DCP1B: variants seen among roughly 807,000 people sequenced by gnomAD.
DCP1B encodes the protein decapping mRNA 1B, also known as mRNA-decapping enzyme 1B.
DCP1B carries 47 observed loss-of-function variants against 60.5 expected under a neutral mutation model. That is an observed-to-expected ratio of 0.78 (90% CI 0.61 to 0.99). DCP1B has a LOEUF of 0.99. Ranked by LOEUF, DCP1B falls within the 50% of genes least tolerant of loss-of-function variation. DCP1B has a pLI of 0.00. For missense variants in DCP1B, 725 were observed against 756.8 expected (o/e 0.96, Z 0.49); for synonymous variants, 267 against 280.3 (o/e 0.95, Z 0.47).
chr12:1,977,347 C>G (rs916179427), intron 3 of DCP1B, among the ~76,000 whole-genome samples: 1 of 152,138 alleles, frequency 6.6e-6, no homozygotes, highest in African/African-American at 2.4e-5. Context: ...CCGTCTCTAC[C>G]ATGAAGTGGG....
chr12:1,968,107 G>A (rs572024443), intron 3 of DCP1B, among the ~76,000 whole-genome samples, 197 bp from the exon 4 acceptor site: 1 of 152,214 alleles, frequency 6.6e-6, no homozygotes, highest in African/African-American at 2.4e-5. Context: ...GCTCACACTT[G>A]TAATCCCAGT....
downstream of DCP1B, among the ~76,000 whole-genome samples, chr12:1,943,664 C>A (rs902683813): frequency 6.6e-6 from 1 of 152,172 alleles, no homozygotes; most frequent in African/African-American, 2.4e-5. Flanking sequence ...TCATCCATCA[C>A]ATAAACAGAA....
At chr12:1,975,762 T>C (rs529244578) in intron 3 of DCP1B, among the ~76,000 whole-genome samples, 48 of 152,182 alleles carry the variant, frequency 3.2e-4, no homozygotes, top group Non-Finnish European at 6.0e-4. Context: ...CAGCTGTAAA[T>C]CACCATATAT....
intron 4 of DCP1B, among the ~76,000 whole-genome samples, chr12:1,965,919 C>T (rs1032534917): frequency 7.2e-5 from 11 of 152,182 alleles, no homozygotes; most frequent in Non-Finnish European, 2.9e-5. Flanking sequence ...CCAAGTCCAG[C>T]CCACCACCTG....
At position 1,984,778 on chromosome 12, in the gene DCP1B, T is replaced by TTAAA. The variant is rs1230989393; in HGVS notation, c.319+8485_319+8486insTTTA. Among the ~76,000 whole-genome samples, 28 of 81,340 alleles carry TTAAA rather than the reference T, an allele frequency of 3.4e-4. 1 individual carries two copies. Among genetic ancestry groups the TTAAA allele is most frequent in the East Asian group, 6.9e-4 (2 of 2,902 alleles). 53.4% of individuals were successfully genotyped at this position (81,340 alleles called of 152,430 possible). ...ATTTATTCTACAGTGGGTCTTCTGG[T>TTAAA]AAAAAAAAAAAAAAAAAAAAAAAGG... On this transcript the variant is annotated intron_variant, in intron 3 of 8. Transcript: ENST00000280665.
At chr12:1,945,637 G>A (rs760855945), downstream of DCP1B, among the ~76,000 whole-genome samples, 23 of 152,172 alleles carry the variant, frequency 1.5e-4, no homozygotes, top group Non-Finnish European at 3.1e-4. Context: ...CAACCCAAAT[G>A]TCCATTAATG....
At chr12:1,946,352 G>T in intron 8 of DCP1B, 66 bp from the exon 9 acceptor site, 2 of 1,305,418 alleles carry the variant, frequency 1.5e-6, no homozygotes, top group Admixed American at 2.3e-5. Flanking sequence ...GGCTTCCTCT[G>T]TCTTAGAGCT....
intron 3 of DCP1B, among the ~76,000 whole-genome samples, chr12:1,970,522 A>G (rs978743617): frequency 6.6e-6 from 1 of 152,334 alleles, no homozygotes; most frequent in Admixed American, 6.5e-5. Flanking sequence ...ACTTGAGTGC[A>G]TTCCCCTGGG....
At chr12:2,002,232 C>G (rs1243793433) in intron 1 of DCP1B, among the ~76,000 whole-genome samples, 2 of 152,172 alleles carry the variant, frequency 1.3e-5, no homozygotes, top group Non-Finnish European at 2.9e-5. Flanking sequence ...TAAATACTTT[C>G]TCCTCTATTC....
chr12:1,949,435 C>T (rs1164453380), intron 7 of DCP1B, 101 bp from the exon 8 acceptor site: 1 of 1,512,704 alleles, frequency 6.6e-7, no homozygotes, highest in Non-Finnish European at 8.9e-7. Flanking sequence ...TCCCTGTCCA[C>T]AGCTTTCCTA....
At chr12:1,993,658 AT>A (rs1565859137) in intron 2 of DCP1B, among the ~76,000 whole-genome samples, 1 of 49,394 alleles carries the variant, frequency 2.0e-5, no homozygotes, top group Non-Finnish European at 4.2e-5. Flanking sequence ...GTGTGTGTGT[AT>A]ACAGATGTTG....
intron 3 of DCP1B, among the ~76,000 whole-genome samples, chr12:1,974,700 C>G (rs1476143852): frequency 1.3e-5 from 2 of 152,130 alleles, no homozygotes; most frequent in Non-Finnish European, 2.9e-5. Flanking sequence ...TTGATAATGG[C>G]AATCCCAAGC....
rs2030551769 is a variant in DCP1B at position 1,949,068 on chromosome 12, G to C, written c.1773+18C>G. The C allele has an allele frequency of 1.2e-6, 2 of 1,606,742 alleles. No homozygotes were observed. The highest frequency in any genetic ancestry group is 1.7e-6 in the Non-Finnish European group (2 of 1,174,116). The stretch of plus-strand genomic sequence containing the variant: ...ACAGGCGTGGTCAGGTGCGAAGGGA[G>C]ATGACGTGCTTGCTTACCTGAATGA... On this transcript the variant is annotated intron_variant, in intron 8 of 8. Coordinates refer to ENST00000280665, the MANE Select transcript of DCP1B (RefSeq NM_152640.5).
chr12:1,980,562 C>T (rs2154464458), intron 3 of DCP1B, among the ~76,000 whole-genome samples: 1 of 151,448 alleles, frequency 6.6e-6, no homozygotes, highest in African/African-American at 2.4e-5. Context: ...ATCTTAAGAA[C>T]AGAAGTTTTT....
chr12:1,987,933 G>A (rs1271810001), intron 3 of DCP1B, among the ~76,000 whole-genome samples: 1 of 152,128 alleles, frequency 6.6e-6, no homozygotes, highest in Non-Finnish European at 1.5e-5. Flanking sequence ...CTCTTAAAAA[G>A]TAGCTGTAAA....
chr12:1,947,330 T>C lies in DCP1B; in HGVS notation c.1774-1044A>G, dbSNP rs551153562. Reference sequence around the variant, plus strand: ...TCCCTCTTGGCACCCCACACAGATTTAGCATCATTCTCATGCAATGAAGAG... The same window carrying C: ...TCCCTCTTGGCACCCCACACAGATTCAGCATCATTCTCATGCAATGAAGAG... On this transcript the variant is annotated intron_variant, in intron 8 of 8. Transcript: ENST00000280665. 2.6e-5 allele frequency among the ~76,000 whole-genome samples: 4 copies of C among 152,320 alleles called. No individual in the cohort carries two copies. In the East Asian group the frequency reaches 7.7e-4, roughly 29 times the overall value.
At chr12:1,979,471 C>A (rs113466441) in intron 3 of DCP1B, among the ~76,000 whole-genome samples, 4,144 of 151,010 alleles carry the variant, frequency 0.027, 95 homozygotes, top group Middle Eastern at 0.056. Flanking sequence ...GCCACCATGC[C>A]TGGCTAATTT....
chr12:1,952,543 T>C lies in DCP1B; in HGVS notation c.1397A>G (p.His466Arg), dbSNP rs1385746228. 2 of 1,614,216 alleles carry C rather than the reference T, an allele frequency of 1.2e-6. No homozygotes were observed. Among genetic ancestry groups the C allele is most frequent in the South Asian group, 1.1e-5 (1 of 91,084 alleles). The change falls in exon 7 of 9, where the codon CAT becomes CGT. Residue 466 changes from histidine to arginine, a missense_variant. Physicochemically the swap from His to Arg is conservative, Grantham distance 29. Transcript: ENST00000280665. ...GGCCAAGGCTGGCCGGTTAGAGGCATGCAGCTGCTGCTCCTGCTGTACAAT... is the reference window on the plus strand; with the variant it reads ...GGCCAAGGCTGGCCGGTTAGAGGCACGCAGCTGCTGCTCCTGCTGTACAAT... Reference protein sequence around the residue: ...LQIVQQEQQLHASNRPALAAK... With the variant: ...LQIVQQEQQLRASNRPALAAK...
At chr12:1,967,235 G>C (rs1205910822) in intron 4 of DCP1B, among the ~76,000 whole-genome samples, 1 of 152,210 alleles carries the variant, frequency 6.6e-6, no homozygotes, top group East Asian at 1.9e-4. Flanking sequence ...ATGCAGAATG[G>C]GACAAATCAC....
Sources: allele counts gnomAD v4.1 joint callset (sites outside exome capture counted in the v4.1 genomes callset), GRCh38; gene constraint gnomAD v4.1.1; transcripts MANE v1.5; gene names NCBI Gene and HGNC (gene_info 2026-07-23, HGNC 2026-07-21).